NRCAM: variants seen among roughly 807,000 people sequenced by gnomAD.
NRCAM encodes NgCAM-related cell adhesion molecule.
A neutral mutation model predicts 156.5 loss-of-function variants in NRCAM; 83 were observed. The ratio of observed to expected loss-of-function variants is 0.53; its 90% CI spans 0.44 to 0.64. NRCAM has a LOEUF of 0.64. Among genes scored for constraint, NRCAM ranks in the 30% least tolerant of loss-of-function variants. The pLI is 0.00. For missense variants in NRCAM, 1,417 were observed against 1,597.3 expected, an observed-to-expected ratio of 0.89 and a Z score of 1.92; for synonymous variants, 538 against 563.9, an observed-to-expected ratio of 0.95 and a Z score of 0.65.
intron 2 of NRCAM, among the ~76,000 whole-genome samples, chr7:108,381,529 T>C (rs1345493693): frequency 2.0e-5 from 3 of 151,916 alleles, no homozygotes; most frequent in Non-Finnish European, 4.4e-5. Context: ...TTTGAGCTGG[T>C]CTTAACATTG....
intron 3 of NRCAM, among the ~76,000 whole-genome samples, chr7:108,240,940 T>C (rs2153810586): frequency 6.6e-6 from 1 of 152,320 alleles, no homozygotes; most frequent in East Asian, 1.9e-4. Context: ...TTCTTTCTTG[T>C]GTCAGTCCTT....
intron 32 of NRCAM, among the ~76,000 whole-genome samples, chr7:108,151,084 T>C (rs535953712): frequency 6.6e-6 from 1 of 152,206 alleles, no homozygotes; most frequent in Non-Finnish European, 1.5e-5. Flanking sequence ...CAATTTTTGC[T>C]TATTTCTCTG....
intron 11 of NRCAM, among the ~76,000 whole-genome samples, chr7:108,218,502 C>T (rs140021541): frequency 0.03 from 4,602 of 152,194 alleles, 105 homozygotes; most frequent in Non-Finnish European, 0.045. Flanking sequence ...GAAATTATAT[C>T]AAGCACTCTC....
At chr7:108,257,208 G>A (rs1282810258) in intron 3 of NRCAM, among the ~76,000 whole-genome samples, 5 of 152,048 alleles carry the variant, frequency 3.3e-5, no homozygotes, top group Admixed American at 2.0e-4. Context: ...AGAGGAGACT[G>A]ACTATAAACA....
intron 28 of NRCAM, among the ~76,000 whole-genome samples, chr7:108,173,358 C>G (rs2059265783): frequency 1.3e-5 from 2 of 151,856 alleles, no homozygotes; most frequent in South Asian, 4.1e-4. Flanking sequence ...CCCTATTGTC[C>G]TGATTTAAAT....
intron 2 of NRCAM, among the ~76,000 whole-genome samples, chr7:108,390,244 C>G (rs1167411275): frequency 1.3e-5 from 2 of 152,110 alleles, no homozygotes; most frequent in African/African-American, 4.8e-5. Flanking sequence ...TGTTATTGGT[C>G]TATTCAGGGA....
At chr7:108,319,810 AG>A (rs2098978934) in intron 2 of NRCAM, among the ~76,000 whole-genome samples, 1 of 152,210 alleles carries the variant, frequency 6.6e-6, no homozygotes, top group Non-Finnish European at 1.5e-5. Flanking sequence ...GAAGAAAAGC[AG>A]GGGATAAGAG....
At chr7:108,438,232 A>T (rs543755210) in intron 1 of NRCAM, among the ~76,000 whole-genome samples, 1 of 152,208 alleles carries the variant, frequency 6.6e-6, no homozygotes, top group East Asian at 1.9e-4. Context: ...TAAGACCAGA[A>T]AACTACATAT....
chr7:108,150,217 G>C lies in NRCAM; in HGVS notation c.3678-70C>G, dbSNP rs571355301. ...AACATTTTCTGTTTTTAAAGACCAT[G>C]CATGCAAATTATGAGAAAGCATTTG... On this transcript the variant is annotated intron_variant, in intron 32 of 32. Transcript: ENST00000379028. 90 of 1,286,312 alleles carry C rather than the reference G, an allele frequency of 7.0e-5. No homozygotes were observed. In the African/African-American group the frequency reaches 1.2e-3, roughly 17 times the overall value. 79.7% of individuals were successfully genotyped at this position (1,286,312 alleles called of 1,614,324 possible).
chr7:108,433,951 G>A (rs1829006727), intron 1 of NRCAM, among the ~76,000 whole-genome samples: 1 of 152,184 alleles, frequency 6.6e-6, no homozygotes, highest in Non-Finnish European at 1.5e-5. Flanking sequence ...CACACACAGT[G>A]TTATGAAGGG....
At chr7:108,430,855 T>C (rs939655223) in intron 1 of NRCAM, among the ~76,000 whole-genome samples, 1 of 152,152 alleles carries the variant, frequency 6.6e-6, no homozygotes, top group African/African-American at 2.4e-5. Context: ...CTACCTCTGT[T>C]CTTCAACAGC....
chr7:108,244,081 A>G (rs1284185660), intron 3 of NRCAM, among the ~76,000 whole-genome samples: 1 of 152,162 alleles, frequency 6.6e-6, no homozygotes, highest in Non-Finnish European at 1.5e-5. Flanking sequence ...TAGAAGGAAA[A>G]TAAAACCTTT....
intron 3 of NRCAM, among the ~76,000 whole-genome samples, chr7:108,301,559 T>C (rs1339944111): frequency 1.3e-5 from 2 of 152,188 alleles, no homozygotes; most frequent in African/African-American, 2.4e-5. Context: ...TCCCATCTCA[T>C]GTTTCTGGGA....
chr7:108,216,254 G>T (rs2088753320), intron 11 of NRCAM, among the ~76,000 whole-genome samples: 1 of 152,112 alleles, frequency 6.6e-6, no homozygotes, highest in Non-Finnish European at 1.5e-5. Context: ...CTTTCTTCTG[G>T]CTTGTAGGGT....
At chr7:108,212,634 G>C (rs896933069) in intron 11 of NRCAM, among the ~76,000 whole-genome samples, 1 of 152,082 alleles carries the variant, frequency 6.6e-6, no homozygotes, top group African/African-American at 2.4e-5. Flanking sequence ...AACTGAACAA[G>C]TAGAAGAGAG....
At chr7:108,301,579 A>G (rs1294124781) in intron 3 of NRCAM, among the ~76,000 whole-genome samples, 1 of 152,208 alleles carries the variant, frequency 6.6e-6, no homozygotes, top group Non-Finnish European at 1.5e-5. Context: ...AAAAATTTTT[A>G]AAGTGCCAAC....
At chr7:108,381,721 G>C (rs35669142) in intron 2 of NRCAM, among the ~76,000 whole-genome samples, 48,847 of 151,584 alleles carry the variant, frequency 0.32, 8,299 homozygotes, top group East Asian at 0.6. Flanking sequence ...CACCATGCCC[G>C]GCTAATTTTT....
At chr7:108,217,868 G>C (rs2090150340) in intron 11 of NRCAM, among the ~76,000 whole-genome samples, 1 of 152,136 alleles carries the variant, frequency 6.6e-6, no homozygotes, top group Non-Finnish European at 1.5e-5. Context: ...ATGGGGGTGG[G>C]ATCCGCTGAG....
At chr7:108,440,137 C>T (rs1478551720) in intron 1 of NRCAM, among the ~76,000 whole-genome samples, 1 of 152,040 alleles carries the variant, frequency 6.6e-6, no homozygotes, top group African/African-American at 2.4e-5. Context: ...CTGGTGAATA[C>T]GTAAACTCAA....
Sources: gnomAD v4.1 joint callset for allele counts (sites outside exome capture counted in the v4.1 genomes callset) on GRCh38, gnomAD v4.1.1 for gene constraint, MANE v1.5 for transcripts, NCBI Gene and HGNC (gene_info 2026-07-23, HGNC 2026-07-21) for gene names.